The following ZNF462 variants were observed in gnomAD, a reference collection of about 807,000 sequenced individuals.
ZNF462 encodes the protein zinc finger protein 462, also known as zinc finger PBX1-interacting protein.
In ZNF462, 10 loss-of-function variants were observed where a neutral mutation model predicts 201.9. The ratio of observed to expected loss-of-function variants is 0.05; its 90% CI spans 0.03 to 0.08. The LOEUF (loss-of-function observed/expected upper bound fraction) is 0.08, where lower values mean the gene tolerates loss of function less well. Ranked by LOEUF, ZNF462 falls within the 10% of genes least tolerant of loss-of-function variation. ZNF462 has a pLI of 1.00. For missense variants in ZNF462, 2,523 were observed against 3,168.3 expected (o/e 0.80, Z 4.89); for synonymous variants, 1,227 against 1,193.3 (o/e 1.03, Z -0.58).
In ZNF462 at chr9:106,984,483, T is replaced by C. The variant is rs1269536026; in HGVS notation, c.7056+74T>C. 2 of 1,208,308 alleles carry C rather than the reference T, an allele frequency of 1.7e-6. No homozygotes were observed. Among genetic ancestry groups the C allele is most frequent in the Non-Finnish European group, 2.4e-6 (2 of 849,670 alleles). 74.8% of individuals were successfully genotyped at this position (1,208,308 alleles called of 1,614,324 possible). A position where few individuals can be genotyped will look rare whatever the true frequency, so the allele number is the denominator to read the frequency against. ...GGCCAAGGGGGAGACACCACTGCAT[T>C]TAGTCACGACCACTGTGTACCAGAT... On this transcript the variant is annotated intron_variant, in intron 10 of 12. Coordinates refer to ENST00000277225, the MANE Select transcript of ZNF462 (RefSeq NM_021224.6). This position sits in a 1 kb window ranked among gnomAD's most constrained non-coding sequence, Gnocchi z 6.4.
In ZNF462 at chr9:106,993,091, G is replaced by A; in HGVS notation, c.7056+8682G>A. Among the ~76,000 whole-genome samples the A allele has an allele frequency of 6.6e-6, 1 of 152,102 alleles. No individual in the cohort carries two copies. Among genetic ancestry groups the A allele is most frequent in the East Asian group, 1.9e-4 (1 of 5,190 alleles). ...CAAATAGCATTAGGTGATTTGTGTG[G>A]TGGGGAGAATCTACAGAATAAACTA... On this transcript the variant is annotated intron_variant, in intron 10 of 12. Transcript: ENST00000277225. This position sits in a 1 kb window ranked among gnomAD's most constrained non-coding sequence, Gnocchi z 4.0.
chr9:106,974,177 G>T lies in ZNF462; in HGVS notation c.6736G>T (p.Val2246Phe). The T allele has an allele frequency of 6.2e-7, 1 of 1,614,170 alleles. No homozygotes were observed. The highest frequency in any genetic ancestry group is 8.5e-7 in the Non-Finnish European group (1 of 1,180,022). The change falls in exon 9 of 13, where the codon GTT becomes TTT. Residue 2246 changes from valine to phenylalanine, a missense_variant. Transcript: ENST00000277225. This position sits in a 1 kb window ranked among gnomAD's most constrained non-coding sequence, Gnocchi z 4.0. The part of the protein sequence containing the change: ...TMHVEAGHSA[V>F]PEEGPKDLRC... ...GCACGTGGAAGCTGGGCACTCAGCA[G>T]TTCCCGAGGAGGGCCCCAAAGATCT...
At chr9:106,956,886 G>T (rs190302848) in intron 7 of ZNF462, among the ~76,000 whole-genome samples, 89 of 152,244 alleles carry the variant, frequency 5.8e-4, no homozygotes, top group African/African-American at 2.1e-3. Flanking sequence ...CCTTGCTTTG[G>T]ATTAGGCTTT....
At chr9:106,965,575 G>C (rs986731986) in intron 7 of ZNF462, among the ~76,000 whole-genome samples, 1 of 151,936 alleles carries the variant, frequency 6.6e-6, no homozygotes, top group Non-Finnish European at 1.5e-5. Flanking sequence ...GGAGAAATCT[G>C]AACCTTTGAA....
At chr9:106,897,482 CT>C (rs530040309) in intron 1 of ZNF462, among the ~76,000 whole-genome samples, 198 of 145,834 alleles carry the variant, frequency 1.4e-3, no homozygotes, top group Non-Finnish European at 1.7e-3. Flanking sequence ...TGAAGACTTA[CT>C]TTTTTTTTTT....
In ZNF462 at chr9:106,928,979, G is replaced by A. The variant is rs1225449742; in HGVS notation, c.5067G>A (p.Gln1689=). 6.2e-7 allele frequency: 1 copy of A among 1,614,016 alleles called. No individual in the cohort carries two copies. The highest frequency in any genetic ancestry group is 8.5e-7 in the Non-Finnish European group (1 of 1,180,040). The change falls in exon 3 of 13, where the codon CAG becomes CAA. Residue 1689 remains glutamine (Q), a synonymous_variant. Coordinates refer to ENST00000277225, the MANE Select transcript of ZNF462 (RefSeq NM_021224.6). The surrounding 1 kb of genome is among the most constrained non-coding windows in gnomAD (Gnocchi z 9.3). The stretch of plus-strand genomic sequence containing the variant: ...TCAAGCACAATAATGTCCGAGCCCA[G>A]CCAGAAGGCAAGAACAACCTCTTCA... ...YRIKHNNVRA[Q]PEGKNNLFKC...
At chr9:106,955,462 T>C (rs1234100040) in intron 7 of ZNF462, among the ~76,000 whole-genome samples, 1 of 152,186 alleles carries the variant, frequency 6.6e-6, no homozygotes, top group Non-Finnish European at 1.5e-5. Context: ...TAATGAAGGA[T>C]GTTTGCCTTG....
chr9:106,878,283 G>A (rs990194208), intron 1 of ZNF462, among the ~76,000 whole-genome samples: 3 of 152,172 alleles, frequency 2.0e-5, no homozygotes, highest in South Asian at 2.1e-4. Context: ...CCTGCCAGGG[G>A]CCCAATAAAT....
In ZNF462 at chr9:106,926,285, C is replaced by T. The variant is rs200274034; in HGVS notation, c.2373C>T (p.Leu791=). The T allele has an allele frequency of 1.3e-4, 215 of 1,614,074 alleles. No homozygotes were observed. The highest frequency in any genetic ancestry group is 5.0e-5 in the Admixed American group (3 of 60,000). ...CCACCAATGGGGCTGAGATTGAGCT[C>T]ACCCTTTCTGAAGATGAAGAGGATT... is the stretch of plus-strand genomic sequence containing the variant. The part of the protein sequence containing the change: ...YNATNGAEIE[L]TLSEDEEDYY... The change falls in exon 3 of 13, where the codon CTC becomes CTT. Residue 791 remains leucine (L), a synonymous_variant. Coordinates refer to ENST00000277225, the MANE Select transcript of ZNF462 (RefSeq NM_021224.6). This position sits in a 1 kb window ranked among gnomAD's most constrained non-coding sequence, Gnocchi z 7.9.
rs1366322198 is a variant in ZNF462 at position 106,920,665 on chromosome 9, T to C, written c.-30-2689T>C. Among the ~76,000 whole-genome samples, 2 of 152,226 alleles carry C rather than the reference T, an allele frequency of 1.3e-5. No individual in the cohort carries two copies. Among genetic ancestry groups the C allele is most frequent in the African/African-American group, 4.8e-5 (2 of 41,454 alleles). ...TCTCATAACCCTTTAATCTCCTTTG[T>C]AGCAGAACAAGGAGATTGTTAGTTT... On this transcript the variant is annotated intron_variant, in intron 1 of 12. Coordinates refer to ENST00000277225, the MANE Select transcript of ZNF462 (RefSeq NM_021224.6). The surrounding 1 kb of genome is among the most constrained non-coding windows in gnomAD (Gnocchi z 4.3).
In ZNF462 at chr9:106,917,982, T is replaced by C. The variant is rs764826925; in HGVS notation, c.-30-5372T>C. ...ACCTTCTTCTCCCGGGTTCAAGCAA[T>C]TCTCTGCCTCAGCCTCCTGAGTAGC... On this transcript the variant is annotated intron_variant, in intron 1 of 12. Coordinates refer to ENST00000277225, the MANE Select transcript of ZNF462 (RefSeq NM_021224.6). This position sits in a 1 kb window ranked among gnomAD's most constrained non-coding sequence, Gnocchi z 4.5. 8.6e-5 allele frequency among the ~76,000 whole-genome samples: 13 copies of C among 151,810 alleles called. No homozygotes were observed. The highest frequency in any genetic ancestry group is 1.2e-4 in the Non-Finnish European group (8 of 67,974).
At chr9:106,897,969 C>T (rs1828881782) in intron 1 of ZNF462, among the ~76,000 whole-genome samples, 1 of 152,324 alleles carries the variant, frequency 6.6e-6, no homozygotes, top group African/African-American at 2.4e-5. Context: ...AAACATACAG[C>T]CTTGCAGTTC....
intron 10 of ZNF462, among the ~76,000 whole-genome samples, chr9:106,987,934 T>C (rs1462578915): frequency 1.3e-5 from 2 of 152,176 alleles, no homozygotes; most frequent in East Asian, 3.8e-4. Context: ...TTTCCCCACT[T>C]CATGTTTTGT....
At position 106,923,378 on chromosome 9, in the gene ZNF462, C is replaced by T; in HGVS notation, c.-6C>T. The stretch of plus-strand genomic sequence containing the variant: ...GGTTCCTAATGTGAGAGGCTAGACC[C>T]AGATCATGGAGGTGCTTCAGTGTGA... On this transcript the variant is annotated 5_prime_UTR_variant, in exon 2 of 13. Coordinates refer to ENST00000277225, the MANE Select transcript of ZNF462 (RefSeq NM_021224.6). This position sits in a 1 kb window ranked among gnomAD's most constrained non-coding sequence, Gnocchi z 5.6. The T allele has an allele frequency of 6.2e-7, 1 of 1,613,972 alleles. No homozygotes were observed. Among genetic ancestry groups the T allele is most frequent in the Non-Finnish European group, 8.5e-7 (1 of 1,179,996 alleles).
At chr9:106,904,778 T>C (rs1041760894) in intron 1 of ZNF462, among the ~76,000 whole-genome samples, 3 of 152,204 alleles carry the variant, frequency 2.0e-5, no homozygotes, top group Non-Finnish European at 4.4e-5. Flanking sequence ...TTGTTTTTTT[T>C]CTTTAAGCTA....
In ZNF462 at chr9:106,968,461, T is replaced by C. The variant is rs953649005; in HGVS notation, c.6428-3544T>C. On this transcript the variant is annotated intron_variant, in intron 7 of 12. Transcript: ENST00000277225. This position sits in a 1 kb window ranked among gnomAD's most constrained non-coding sequence, Gnocchi z 4.0. ...TATAACTACAATTATACATTATAAT[T>C]TCATTTCTAAAACTTCACATATAAT... Among the ~76,000 whole-genome samples the C allele has an allele frequency of 6.6e-6, 1 of 152,236 alleles. No homozygotes were observed. The highest frequency in any genetic ancestry group is 2.4e-5 in the African/African-American group (1 of 41,474).
chr9:106,959,576 G>A (rs996744187), intron 7 of ZNF462, among the ~76,000 whole-genome samples: 12 of 152,082 alleles, frequency 7.9e-5, no homozygotes, highest in African/African-American at 2.9e-4. Flanking sequence ...TGACAAATGA[G>A]GACACAGAGG....
At chr9:106,891,778 C>CGA in intron 1 of ZNF462, among the ~76,000 whole-genome samples, 1 of 152,128 alleles carries the variant, frequency 6.6e-6, no homozygotes, top group South Asian at 2.1e-4. Flanking sequence ...TTTTTGTTCC[C>CGA]CCCTCTGGAT....
intron 9 of ZNF462, among the ~76,000 whole-genome samples, chr9:106,979,757 C>T (rs769902889): frequency 6.8e-6 from 1 of 147,202 alleles, no homozygotes; most frequent in African/African-American, 2.7e-5. Flanking sequence ...CTTAGCTTTG[C>T]CCATGTATAT....
Sources: allele counts gnomAD v4.1 joint callset (sites outside exome capture counted in the v4.1 genomes callset), GRCh38; gene constraint gnomAD v4.1.1; non-coding constraint Gnocchi (gnomAD v3.1); transcripts MANE v1.5; gene names NCBI Gene and HGNC (gene_info 2026-07-23, HGNC 2026-07-21).